Variants in GUF1 observed in about 807,000 individuals in gnomAD.
The protein encoded by GUF1 is translation factor GUF1, mitochondrial.
In GUF1, 78 loss-of-function variants were observed where a neutral mutation model predicts 82.4. The ratio of observed to expected loss-of-function variants is 0.95; its 90% CI spans 0.79 to 1.14. GUF1 has a LOEUF of 1.14. Among genes scored for constraint, GUF1 ranks in the 50% most tolerant of loss-of-function variants. GUF1 has a pLI of 0.00. For missense variants in GUF1, 814 were observed against 798.2 expected, an observed-to-expected ratio of 1.02 and a Z score of -0.24; for synonymous variants, 279 against 282.3, an observed-to-expected ratio of 0.99 and a Z score of 0.12.
intron 12 of GUF1, 126 bp from the exon 13 acceptor site, chr4:44,691,540 A>G (rs1715442626): frequency 1.5e-6 from 1 of 671,836 alleles, no homozygotes; most frequent in Non-Finnish European, 2.5e-6. Flanking sequence ...CAATTGAAAT[A>G]TAAAATGTTT....
At position 44,700,687 on chromosome 4, in the gene GUF1, A is replaced by C. The variant is rs1172121144; in HGVS notation, c.*2006A>C. On this transcript the variant is annotated 3_prime_UTR_variant, in exon 17 of 17. Transcript: ENST00000281543. ...AATAAACTTTCTAAACTGACTTGAG[A>C]GCTGTCTCAGATATTTTGAGCTTAC... 1 of 152,200 alleles carries C rather than the reference A, an allele frequency of 6.6e-6. No homozygotes were observed. Among genetic ancestry groups the C allele is most frequent in the African/African-American group, 2.4e-5 (1 of 41,452 alleles). 9.4% of individuals were successfully genotyped at this position (152,200 alleles called of 1,614,324 possible).
At chr4:44,680,622 T>G in intron 2 of GUF1, 70 bp downstream of exon 2, 1 of 1,438,948 alleles carries the variant, frequency 6.9e-7, no homozygotes, top group Admixed American at 2.5e-5. Context: ...CTCTTAAATT[T>G]TAATTTTATA....
intron 11 of GUF1, 79 bp downstream of exon 11, chr4:44,690,054 G>A: frequency 9.5e-7 from 1 of 1,052,032 alleles, no homozygotes; most frequent in Non-Finnish European, 1.3e-6. Flanking sequence ...TATATACAAT[G>A]CAGGAGAAGC....
intron 13 of GUF1, 49 bp from the exon 14 acceptor site, chr4:44,694,363 A>T: frequency 9.5e-7 from 1 of 1,052,664 alleles, no homozygotes; most frequent in Non-Finnish European, 1.5e-6. Context: ...TAATAAAGGT[A>T]ATCTCTCAGG....
At position 44,678,656 on chromosome 4, in the gene GUF1, G is replaced by T; in HGVS notation, c.34G>T (p.Ala12Ser). The T allele has an allele frequency of 6.7e-7, 1 of 1,485,670 alleles. No individual in the cohort carries two copies. Among genetic ancestry groups the T allele is most frequent in the Non-Finnish European group, 8.8e-7 (1 of 1,131,938 alleles). 92.0% of individuals were successfully genotyped at this position (1,485,670 alleles called of 1,614,324 possible). Residue 12 changes from alanine (A) to serine (S), a missense_variant, in exon 1 of 17, where the codon GCA becomes TCA. Ala to Ser is a moderately conservative substitution (Grantham distance 99, BLOSUM62 1). Coordinates refer to ENST00000281543, the MANE Select transcript of GUF1 (RefSeq NM_021927.3). Reference protein sequence around the residue: ...WTLVGRGWGCARALAPRATGA... With the variant: ...WTLVGRGWGCSRALAPRATGA... ...CCTCGTGGGTCGGGGCTGGGGGTGC[G>T]CACGCGCTCTCGCGCCACGAGCCAC...
intron 9 of GUF1, among the ~76,000 whole-genome samples, chr4:44,688,495 A>T (rs1715211157): frequency 6.6e-6 from 1 of 151,908 alleles, no homozygotes; most frequent in Non-Finnish European, 1.5e-5. Flanking sequence ...GTAGACACTG[A>T]CTGAGTGCCT....
rs768670047 is a variant in GUF1 at position 44,698,618 on chromosome 4, T to C, written c.1947T>C (p.Ile649=). ...AAGGGAAAAAAAAGCTGAGGAAAATTGGCAACGTTGAAGTTCCAAAAGATG... is the reference window on the plus strand; with the variant it reads ...AAGGGAAAAAAAAGCTGAGGAAAATCGGCAACGTTGAAGTTCCAAAAGATG... ...QAEGKKKLRK[I]GNVEVPKDAF... Residue 649 remains isoleucine (I), a synonymous_variant, in exon 17 of 17, where the codon ATT becomes ATC. Transcript: ENST00000281543. The C allele has an allele frequency of 2.5e-6, 4 of 1,611,006 alleles. No homozygotes were observed. The highest frequency in any genetic ancestry group is 3.4e-6 in the Non-Finnish European group (4 of 1,179,020).
At position 44,700,311 on chromosome 4, in the gene GUF1, T is replaced by G. The variant is rs184537530; in HGVS notation, c.*1630T>G. ...GGACAAAGAACTCAAAGTCTTCACA[T>G]GAAACAAATGCATAAATGATTGCTT... On this transcript the variant is annotated 3_prime_UTR_variant, in exon 17 of 17. Transcript: ENST00000281543. The G allele has an allele frequency of 2.6e-5, 4 of 152,302 alleles. No individual in the cohort carries two copies. Among genetic ancestry groups the G allele is most frequent in the Admixed American group, 2.6e-4 (4 of 15,290 alleles). 9.4% of individuals were successfully genotyped at this position (152,302 alleles called of 1,614,324 possible).
intron 16 of GUF1, 41 bp from the exon 17 acceptor site, chr4:44,698,503 T>C (rs753064737): frequency 1.3e-6 from 2 of 1,499,220 alleles, no homozygotes; most frequent in East Asian, 2.3e-5. Context: ...TGTTTCTCTT[T>C]AGAGTGACTT....
In GUF1 at chr4:44,690,739, C is replaced by G. The variant is rs760549885; in HGVS notation, c.1358C>G (p.Thr453Arg). Residue 453 changes from threonine (T) to arginine (R), a missense_variant, in exon 12 of 17, where the codon ACA becomes AGA. By Grantham distance (71) the Thr-to-Arg change is moderately conservative. Transcript: ENST00000281543. ...TAGGAACATAGAGAAAAAGAAATTA[C>G]AATTATCAATCCTGCACAATTCCCC... is the stretch of plus-strand genomic sequence containing the variant. ...LIKEHREKEI[T>R]IINPAQFPDK... 1.3e-6 allele frequency: 2 copies of G among 1,567,622 alleles called. No individual in the cohort carries two copies. The highest frequency in any genetic ancestry group is 1.7e-6 in the Non-Finnish European group (2 of 1,147,844).
Position 44,700,921 on chromosome 4 carries a change from TA to T in GUF1, c.*2244del, listed in dbSNP as rs1716200783. 6.6e-6 allele frequency: 1 copy of T among 152,218 alleles called. No individual in the cohort carries two copies. Among genetic ancestry groups the T allele is most frequent in the East Asian group, 1.9e-4 (1 of 5,192 alleles). The allele number at this position is 152,218 out of a possible 1,614,324, so 9.4% of individuals were successfully genotyped here. On this transcript the variant is annotated 3_prime_UTR_variant, in exon 17 of 17. Coordinates refer to ENST00000281543, the MANE Select transcript of GUF1 (RefSeq NM_021927.3). ...GACAGTATTTGAAATTAAAAAATTG[TA>T]AAAGTGTTCTGTTCTATCACTGCCA...
In GUF1 at chr4:44,691,727, A is replaced by G; in HGVS notation, c.1541A>G (p.Tyr514Cys). Residue 514 changes from tyrosine to cysteine, a missense_variant, in exon 13 of 17, where the codon TAT (tyrosine) becomes TGT (cysteine). By Grantham distance (194) the Tyr-to-Cys change is radical. Transcript: ENST00000281543. ...FIDQNRVMLK[Y>C]LFPLNEIVVD... ...GATCAAAATAGAGTTATGCTTAAAT[A>G]TCTCTTTCCTTTGAATGAAATTGTG... 1 of 1,584,514 alleles carries G rather than the reference A, an allele frequency of 6.3e-7. No homozygotes were observed. Among genetic ancestry groups the G allele is most frequent in the South Asian group, 1.1e-5 (1 of 89,622 alleles).
rs143624651 is a variant in GUF1 at position 44,690,223 on chromosome 4, A to G, written c.1335+248A>G. Among the ~76,000 whole-genome samples, 221 of 152,002 alleles carry G rather than the reference A, an allele frequency of 1.5e-3. 1 individual carries two copies. Among genetic ancestry groups the G allele is most frequent in the Non-Finnish European group, 2.4e-3 (161 of 67,816 alleles). ...CTGATGTAATCTCCAGATTATCAAA[A>G]CTAGTCTATTGCTGATAGTAAAAGG... On this transcript the variant is annotated intron_variant, in intron 11 of 16. Transcript: ENST00000281543.
intron 1 of GUF1, 69 bp downstream of exon 1, chr4:44,678,856 A>G (rs750616613): frequency 2.5e-5 from 36 of 1,444,982 alleles, no homozygotes; most frequent in African/African-American, 5.9e-5. Flanking sequence ...GATCTTGGAC[A>G]TGTATAGGGC....
intron 13 of GUF1, among the ~76,000 whole-genome samples, chr4:44,692,932 C>A (rs1193490376): frequency 1.3e-5 from 2 of 151,942 alleles, no homozygotes; most frequent in African/African-American, 4.8e-5. Flanking sequence ...CATTTGGGTA[C>A]TACTTTCTGA....
chr4:44,686,897 A>G (rs1715091007), intron 8 of GUF1, among the ~76,000 whole-genome samples, 184 bp downstream of exon 8: 1 of 151,946 alleles, frequency 6.6e-6, no homozygotes, highest in South Asian at 2.1e-4. Context: ...ACGTCAGTTG[A>G]TACTTTTTTT....
intron 12 of GUF1, 42 bp from the exon 13 acceptor site, chr4:44,691,624 A>G (rs755085949): frequency 6.7e-7 from 1 of 1,496,284 alleles, no homozygotes; most frequent in South Asian, 1.2e-5. Context: ...TCAGTATTTG[A>G]GTAGGTTATC....
chr4:44,682,307 C>T (rs1265276450), intron 4 of GUF1, 27 bp from the exon 5 acceptor site: 3 of 1,330,252 alleles, frequency 2.3e-6, no homozygotes, highest in Admixed American at 2.6e-5. Context: ...ATGGTCATCT[C>T]AGTATCTTGT....
chr4:44,691,541 T>C (rs1295376543), intron 12 of GUF1, 125 bp from the exon 13 acceptor site: 1 of 675,170 alleles, frequency 1.5e-6, no homozygotes, highest in Non-Finnish European at 2.5e-6. Context: ...AATTGAAATA[T>C]AAAATGTTTC....
Sources: gnomAD v4.1 joint callset for allele counts (sites outside exome capture counted in the v4.1 genomes callset) on GRCh38, gnomAD v4.1.1 for gene constraint, MANE v1.5 for transcripts, NCBI Gene and HGNC (gene_info 2026-07-23, HGNC 2026-07-21) for gene names.